DIO2: variants seen among roughly 807,000 people sequenced by gnomAD.
DIO2 encodes the protein type II iodothyronine deiodinase.
DIO2 carries 19 observed loss-of-function variants against 21.4 expected under a neutral mutation model. The observed-to-expected ratio is 0.89, with a 90% CI of 0.62 to 1.30. The LOEUF is 1.30. Ranked by LOEUF, DIO2 falls within the 50% of genes most tolerant of loss-of-function variation. The pLI, the probability that DIO2 is intolerant of heterozygous loss-of-function variation, is 0.00. For missense variants in DIO2, 302 were observed against 338.1 expected, an observed-to-expected ratio of 0.89 and a Z score of 0.84; for synonymous variants, 122 against 132.9, an observed-to-expected ratio of 0.92 and a Z score of 0.57.
chr14:80,213,597 G>C (rs541492653), upstream of DIO2, among the ~76,000 whole-genome samples: 1 of 152,266 alleles, frequency 6.6e-6, no homozygotes, highest in East Asian at 1.9e-4. Flanking sequence ...TGTCCACTTT[G>C]TTCACTGCTA....
intron 2 of DIO2, among the ~76,000 whole-genome samples, chr14:80,224,908 CA>C (rs1566668856): frequency 6.6e-6 from 1 of 152,092 alleles, no homozygotes; most frequent in Non-Finnish European, 1.5e-5. Context: ...CAAGGTCCCA[CA>C]ATAGGCTGTC....
chr14:80,221,477 T>C (rs1316955038), intron 2 of DIO2, among the ~76,000 whole-genome samples: 1 of 152,172 alleles, frequency 6.6e-6, no homozygotes, highest in African/African-American at 2.4e-5. Context: ...AGTCATTTTC[T>C]TTTTTTCACA....
intron 1 of DIO2, among the ~76,000 whole-genome samples, chr14:80,208,292 C>T (rs913774705): frequency 5.9e-5 from 9 of 152,066 alleles, no homozygotes; most frequent in Admixed American, 3.9e-4. Flanking sequence ...ACACAGAATC[C>T]ATCTCTTACT....
chr14:80,212,846 G>GA (rs57172413), upstream of DIO2, among the ~76,000 whole-genome samples: 3,852 of 113,918 alleles, frequency 0.034, 106 homozygotes, highest in African/African-American at 0.089. Context: ...AGCTTCTAAT[G>GA]AAAAAAAAAA....
At chr14:80,205,134 A>G (rs1430539127) in intron 1 of DIO2, among the ~76,000 whole-genome samples, 1 of 152,154 alleles carries the variant, frequency 6.6e-6, no homozygotes, top group Non-Finnish European at 1.5e-5. Context: ...GAAAATATAC[A>G]TCAAATTTAA....
intron 2 of DIO2, among the ~76,000 whole-genome samples, chr14:80,219,196 G>A (rs1182219403): frequency 6.6e-6 from 1 of 152,188 alleles, no homozygotes. Context: ...TGGTGAAGCA[G>A]AAAGGTGGAA....
At chr14:80,208,406 GTTCT>G (rs1413352524) in intron 1 of DIO2, among the ~76,000 whole-genome samples, 2 of 151,940 alleles carry the variant, frequency 1.3e-5, no homozygotes, top group Non-Finnish European at 2.9e-5. Flanking sequence ...AAAATATTTT[GTTCT>G]TTCTTTATTT....
Position 80,202,525 on chromosome 14 carries a change from G to C in DIO2, c.*164C>G. 5.3e-6 allele frequency: 4 copies of C among 758,248 alleles called. No homozygotes were observed. Among genetic ancestry groups the C allele is most frequent in the East Asian group, 2.6e-5 (1 of 38,780 alleles). The allele number at this position is 758,248 out of a possible 1,614,324, so 47.0% of individuals were successfully genotyped here. On this transcript the variant is annotated 3_prime_UTR_variant, in exon 2 of 2. Transcript: ENST00000438257. Reference sequence around the variant, plus strand: ...ACTTACTCAGCCCAATGCCATTTGAGTAGTGAAAGAAGTATGGAGCTGTTA... The same window carrying C: ...ACTTACTCAGCCCAATGCCATTTGACTAGTGAAAGAAGTATGGAGCTGTTA...
intron 2 of DIO2, among the ~76,000 whole-genome samples, chr14:80,230,033 G>A (rs2140026650): frequency 6.6e-6 from 1 of 152,220 alleles, no homozygotes; most frequent in East Asian, 1.9e-4. Context: ...TATTTTTCCT[G>A]GCAATTGCCT....
chr14:80,218,343 G>GA (rs1376802928), intron 2 of DIO2, among the ~76,000 whole-genome samples: 1 of 152,010 alleles, frequency 6.6e-6, no homozygotes, highest in Non-Finnish European at 1.5e-5. Context: ...GTAGAAAATA[G>GA]AAAAAATTAT....
intron 2 of DIO2, among the ~76,000 whole-genome samples, chr14:80,227,389 T>C (rs772847161): frequency 6.6e-6 from 1 of 152,198 alleles, no homozygotes; most frequent in African/African-American, 2.4e-5. Context: ...TTCCATTTGA[T>C]GATACAATGC....
chr14:80,197,976 G>GT lies in DIO2; in HGVS notation c.*4712dup, dbSNP rs1887547069. On this transcript the variant is annotated 3_prime_UTR_variant, in exon 2 of 2. Transcript: ENST00000438257. Reference sequence around the variant, plus strand: ...TACCCAATATCATTTAATTGCTTTGGTTATAAAGTACTGGATACTTATTTC... The same window carrying GT: ...TACCCAATATCATTTAATTGCTTTGGTTTATAAAGTACTGGATACTTATTTC... 1 of 152,622 alleles carries GT rather than the reference G, an allele frequency of 6.6e-6. No homozygotes were observed. The highest frequency in any genetic ancestry group is 2.4e-5 in the African/African-American group (1 of 41,438). The allele number at this position is 152,622 out of a possible 1,614,324, so 9.5% of individuals were successfully genotyped here.
chr14:80,202,528 G>A lies in DIO2; in HGVS notation c.*161C>T, dbSNP rs929035517. On this transcript the variant is annotated 3_prime_UTR_variant, in exon 2 of 2. Coordinates refer to ENST00000438257, the MANE Select transcript of DIO2 (RefSeq NM_013989.5). ...TACTCAGCCCAATGCCATTTGAGTA[G>A]TGAAAGAAGTATGGAGCTGTTAGAG... 1.3e-6 allele frequency: 1 copy of A among 775,036 alleles called. No homozygotes were observed. Among genetic ancestry groups the A allele is most frequent in the African/African-American group, 1.7e-5 (1 of 57,666 alleles). The allele number at this position is 775,036 out of a possible 1,614,324, so 48.0% of individuals were successfully genotyped here. A position where few individuals can be genotyped will look rare whatever the true frequency, so the allele number is the denominator to read the frequency against.
chr14:80,202,715 A>G lies in DIO2; in HGVS notation c.796T>C (p.Sec266Arg), dbSNP rs1687383318. 1 of 1,613,296 alleles carries G rather than the reference A, an allele frequency of 6.2e-7. No individual in the cohort carries two copies. Among genetic ancestry groups the G allele is most frequent in the South Asian group, 1.1e-5 (1 of 90,984 alleles). ...HWLEKNFSKR[U>R]KKTRLAG ...TAACCAGCTAATCTAGTTTTCTTTC[A>G]TCTCTTGCTGAAATTCTTCTCCAGC... The change falls in exon 2 of 2, where the codon TGA (selenocysteine) becomes CGA (arginine). Residue 266 changes from selenocysteine to arginine, a missense_variant. Coordinates refer to ENST00000438257, the MANE Select transcript of DIO2 (RefSeq NM_013989.5).
chr14:80,206,824 GAGGCATTCAAA>G (rs1887974939), intron 1 of DIO2, among the ~76,000 whole-genome samples: 1 of 152,112 alleles, frequency 6.6e-6, no homozygotes, highest in Non-Finnish European at 1.5e-5. Context: ...ATTTGCCAAA[GAGGCATTCAAA>G]AGGCATTTTT....
chr14:80,208,057 A>G (rs1273985332), intron 1 of DIO2, among the ~76,000 whole-genome samples: 1 of 152,214 alleles, frequency 6.6e-6, no homozygotes, highest in Non-Finnish European at 1.5e-5. Flanking sequence ...GCCTGTCAGC[A>G]TCTATACTGT....
In DIO2 at chr14:80,202,631, T is replaced by G. The variant is rs555142748; in HGVS notation, c.*58A>C. 2 of 1,491,126 alleles carry G rather than the reference T, an allele frequency of 1.3e-6. No homozygotes were observed. The highest frequency in any genetic ancestry group is 2.8e-5 in the African/African-American group (2 of 71,016). The allele number at this position is 1,491,126 out of a possible 1,614,324, so 92.4% of individuals were successfully genotyped here. ...TCTGTTGAAATATGGATTCAGTTCT[T>G]AATTTCCTTGCCTTTATATAACTTT... On this transcript the variant is annotated 3_prime_UTR_variant, in exon 2 of 2. Coordinates refer to ENST00000438257, the MANE Select transcript of DIO2 (RefSeq NM_013989.5).
chr14:80,204,398 G>A (rs890215867), intron 1 of DIO2, among the ~76,000 whole-genome samples: 2 of 152,114 alleles, frequency 1.3e-5, no homozygotes, highest in African/African-American at 4.8e-5. Flanking sequence ...AAGAAGTAGA[G>A]ATAAAAATTG....
rs1041490356 is a variant in DIO2 at position 80,211,287 on chromosome 14, G to C, written c.186C>G (p.Cys62Trp). The change falls in exon 1 of 2, where the codon TGC becomes TGG. Residue 62 changes from cysteine to tryptophan, a missense_variant. Transcript: ENST00000438257. ...CATCGAGGAGGAAGCTCTTCCAGAC[G>C]CAGCGCAGTCCCTCTGAGGTCAGCA... ...RRMLTSEGLRCVWKSFLLDAY... is the reference protein window; with the variant it reads ...RRMLTSEGLRWVWKSFLLDAY... 2 of 1,612,722 alleles carry C rather than the reference G, an allele frequency of 1.2e-6. No homozygotes were observed. The highest frequency in any genetic ancestry group is 2.7e-5 in the African/African-American group (2 of 74,870).
Sources: allele counts gnomAD v4.1 joint callset (sites outside exome capture counted in the v4.1 genomes callset), GRCh38; gene constraint gnomAD v4.1.1; transcripts MANE v1.5; gene names NCBI Gene and HGNC (gene_info 2026-07-23, HGNC 2026-07-21).